The following WDFY4 variants were observed in gnomAD, a reference collection of about 807,000 sequenced individuals.
WDFY4 encodes WD repeat- and FYVE domain-containing protein 4.
WDFY4 carries 169 observed loss-of-function variants against 351.9 expected under a neutral mutation model. The ratio of observed to expected loss-of-function variants is 0.48; its 90% CI spans 0.42 to 0.55. WDFY4 has a LOEUF of 0.55. WDFY4 is among the 20% of genes least tolerant of loss of function. WDFY4 has a pLI of 0.00. For missense variants in WDFY4, 3,803 were observed against 3,935.6 expected, an observed-to-expected ratio of 0.97 and a Z score of 0.90; for synonymous variants, 1,622 against 1,574.6, an observed-to-expected ratio of 1.03 and a Z score of -0.71.
At chr10:48,908,555 G>T (rs938487006) in intron 47 of WDFY4, among the ~76,000 whole-genome samples, 1 of 151,962 alleles carries the variant, frequency 6.6e-6, no homozygotes, top group Non-Finnish European at 1.5e-5. Context: ...TGTTAAGCTT[G>T]CCATAGTGCC....
At chr10:48,798,864 A>G (rs61838864) in intron 24 of WDFY4, among the ~76,000 whole-genome samples, 16 of 152,272 alleles carry the variant, frequency 1.1e-4, no homozygotes, top group Admixed American at 1.3e-4. Context: ...AACCAGGCCA[A>G]GATGAATGTC....
intron 47 of WDFY4, among the ~76,000 whole-genome samples, chr10:48,904,958 C>T (rs1250221124): frequency 1.3e-5 from 2 of 152,176 alleles, no homozygotes; most frequent in African/African-American, 2.4e-5. Context: ...CATGGTTCCA[C>T]GCAGAGGGAA....
intron 39 of WDFY4, among the ~76,000 whole-genome samples, chr10:48,865,314 C>T (rs61848060): frequency 0.099 from 15,047 of 152,066 alleles, 932 homozygotes; most frequent in Middle Eastern, 0.21. Flanking sequence ...TTTTAAATGT[C>T]TATTGAAATT....
At chr10:48,976,741 G>A in intron 58 of WDFY4, 56 bp from the exon 59 acceptor site, 1 of 1,294,422 alleles carries the variant, frequency 7.7e-7, no homozygotes, top group Non-Finnish European at 9.9e-7. Context: ...CTGAGCAAGT[G>A]GCTGATGGGC....
chr10:48,892,511 T>A (rs1836863612), intron 44 of WDFY4, among the ~76,000 whole-genome samples: 1 of 152,226 alleles, frequency 6.6e-6, no homozygotes, highest in African/African-American at 2.4e-5. Flanking sequence ...GAAGCATTTG[T>A]TAATCAGTGC....
At chr10:48,945,300 C>T (rs1442390490) in intron 49 of WDFY4, among the ~76,000 whole-genome samples, 1 of 152,126 alleles carries the variant, frequency 6.6e-6, no homozygotes, top group African/African-American at 2.4e-5. Flanking sequence ...CACTTGAGCT[C>T]AGGAGGTCGA....
Position 48,877,199 on chromosome 10 carries a change from G to A in WDFY4, c.7167G>A (p.Lys2389=). The A allele has an allele frequency of 6.4e-7, 1 of 1,551,222 alleles. No homozygotes were observed. Among genetic ancestry groups the A allele is most frequent in the Non-Finnish European group, 8.7e-7 (1 of 1,146,772 alleles). Residue 2389 remains lysine, a splice_region_variant and synonymous_variant, in exon 43 of 62, where the codon AAG becomes AAA. Coordinates refer to ENST00000325239, the MANE Select transcript of WDFY4 (RefSeq NM_001394531.1). The part of the protein sequence containing the change: ...VILQELLDKE[K]VTQKFSLVIV... ...TACAAGAGCTTCTTGATAAAGAAAA[G>A]GTAATATACCCCATTGCAATAGCCT... is the stretch of plus-strand genomic sequence containing the variant.
At chr10:48,825,059 T>G (rs913988214) in intron 35 of WDFY4, among the ~76,000 whole-genome samples, 1 of 152,172 alleles carries the variant, frequency 6.6e-6, no homozygotes, top group African/African-American at 2.4e-5. Flanking sequence ...ATGCATCACC[T>G]AGGTATTAAG....
intron 47 of WDFY4, among the ~76,000 whole-genome samples, chr10:48,925,023 C>T (rs1461700073): frequency 1.3e-5 from 2 of 152,236 alleles, no homozygotes; most frequent in Admixed American, 6.5e-5. Context: ...TGCCATTTCA[C>T]AGCCAGTATT....
At chr10:48,921,637 G>C (rs1046279975) in intron 47 of WDFY4, among the ~76,000 whole-genome samples, 2 of 152,034 alleles carry the variant, frequency 1.3e-5, no homozygotes, top group African/African-American at 2.4e-5. Context: ...GAAAAGACAA[G>C]CTACAGACTG....
At chr10:48,879,042 C>T (rs114899642) in intron 43 of WDFY4, among the ~76,000 whole-genome samples, 1,819 of 152,296 alleles carry the variant, frequency 0.012, 31 homozygotes, top group African/African-American at 0.041. Context: ...TGAGGACTAA[C>T]GGCAGATCAT....
At chr10:48,787,992 C>CCTTCTCCTTCTCCTTCTCCTTCTCCTT (rs2066544952) in intron 20 of WDFY4, among the ~76,000 whole-genome samples, 4 of 111,034 alleles carry the variant, frequency 3.6e-5, no homozygotes, top group Non-Finnish European at 5.3e-5. Context: ...TTCTCCTTCT[C>CCTTCTCCTTCTCCTTCTCCTTCTCCTT]CTTCTCCTTC....
intron 39 of WDFY4, among the ~76,000 whole-genome samples, chr10:48,841,377 GT>G (rs2068599847): frequency 6.7e-6 from 1 of 148,820 alleles, no homozygotes; most frequent in Non-Finnish European, 1.5e-5. Flanking sequence ...TGTCCTTCAT[GT>G]TTAAACATAT....
intron 12 of WDFY4, among the ~76,000 whole-genome samples, chr10:48,746,846 A>C (rs1450374167): frequency 6.6e-6 from 1 of 152,158 alleles, no homozygotes; most frequent in South Asian, 2.1e-4. Flanking sequence ...TAACTCATAC[A>C]TTACTATTAG....
intron 35 of WDFY4, 75 bp from the exon 36 acceptor site, chr10:48,826,596 G>A: frequency 1.7e-6 from 2 of 1,157,426 alleles, no homozygotes; most frequent in South Asian, 1.4e-5. Flanking sequence ...CTATTTTTGT[G>A]GTAAACTGGA....
intron 11 of WDFY4, among the ~76,000 whole-genome samples, chr10:48,738,933 A>G (rs1589493423): frequency 6.6e-6 from 1 of 152,314 alleles, no homozygotes; most frequent in Non-Finnish European, 1.5e-5. Flanking sequence ...TAGGGCAGTT[A>G]TTTCAAACAC....
intron 20 of WDFY4, among the ~76,000 whole-genome samples, chr10:48,787,807 C>CTTCTTCCTCTTCTTCT (rs1555010320): frequency 1.3e-5 from 1 of 76,682 alleles, no homozygotes; most frequent in Admixed American, 1.4e-4. Context: ...CCTCCTCCTC[C>CTTCTTCCTCTTCTTCT]TCTTCTTCTT....
intron 48 of WDFY4, among the ~76,000 whole-genome samples, chr10:48,942,366 A>ATGTGCATG (rs1387149947): frequency 1.1e-5 from 1 of 89,628 alleles, no homozygotes; most frequent in Admixed American, 1.4e-4. Flanking sequence ...GAGCTGGGGA[A>ATGTGCATG]TGTGCGTGTG....
chr10:48,900,190 C>T, intron 45 of WDFY4, 31 bp from the exon 46 acceptor site: 3 of 1,542,596 alleles, frequency 1.9e-6, no homozygotes, highest in Non-Finnish European at 2.6e-6. Context: ...CACAAAATAT[C>T]AGGAGCATTA....
Sources: gnomAD v4.1 joint callset for allele counts (sites outside exome capture counted in the v4.1 genomes callset) on GRCh38, gnomAD v4.1.1 for gene constraint, MANE v1.5 for transcripts, NCBI Gene and HGNC (gene_info 2026-07-23, HGNC 2026-07-21) for gene names.